FRMPD4: variants seen among roughly 807,000 people sequenced by gnomAD.
FRMPD4 encodes FERM and PDZ domain containing 4, also known as FERM and PDZ domain-containing protein 4.
FRMPD4 carries 22 observed loss-of-function variants against 94.1 expected under a neutral mutation model. The observed-to-expected ratio is 0.23, with a 90% CI of 0.17 to 0.33. The LOEUF (loss-of-function observed/expected upper bound fraction) is 0.33. Ranked by LOEUF, FRMPD4 falls within the 10% of genes least tolerant of loss-of-function variation. FRMPD4 has a pLI of 1.00. For synonymous variants in FRMPD4, 631 were observed against 548.6 expected (o/e 1.15, Z -2.10); for missense variants, 1,111 against 1,339.9 (o/e 0.83, Z 2.67).
intron 1 of FRMPD4, among the ~76,000 whole-genome samples, chrX:12,162,890 G>A (rs925740520): frequency 1.8e-5 from 2 of 111,381 alleles, no homozygotes; most frequent in African/African-American, 3.3e-5. Flanking sequence ...CAAATGTTAT[G>A]GGCCCTAGAA....
intron 1 of FRMPD4, among the ~76,000 whole-genome samples, chrX:12,478,850 A>C (rs1007471194): frequency 9.0e-6 from 1 of 111,693 alleles, no homozygotes; most frequent in South Asian, 3.7e-4. Flanking sequence ...TAATTTTTAT[A>C]AAATTCTCTT....
chrX:12,267,781 C>T, intron 1 of FRMPD4, among the ~76,000 whole-genome samples: 1 of 112,521 alleles, frequency 8.9e-6, no homozygotes, highest in South Asian at 3.6e-4. Flanking sequence ...TGCTGGGTTT[C>T]CTCACACAAG....
intron 3 of FRMPD4, among the ~76,000 whole-genome samples, chrX:11,905,171 G>C (rs1405481206): frequency 2.7e-5 from 3 of 112,192 alleles, no homozygotes; most frequent in Non-Finnish European, 5.6e-5. Context: ...ACTGCTGGGG[G>C]AACATCCAGG....
chrX:12,501,788 T>G (rs976154655), intron 2 of FRMPD4, among the ~76,000 whole-genome samples: 11 of 111,190 alleles, frequency 9.9e-5, no homozygotes, highest in African/African-American at 3.6e-4. Context: ...GTGTTCAAAG[T>G]TAGAGTCTAA....
chrX:12,535,505 G>C (rs1285040609), intron 2 of FRMPD4, among the ~76,000 whole-genome samples: 1 of 112,115 alleles, frequency 8.9e-6, no homozygotes, highest in Non-Finnish European at 1.9e-5. Context: ...AAGGTTGTTG[G>C]AATCAGATAA....
chrX:12,491,892 C>A (rs1490096522), intron 1 of FRMPD4, among the ~76,000 whole-genome samples: 1 of 111,696 alleles, frequency 9.0e-6, no homozygotes, highest in Non-Finnish European at 1.9e-5. Context: ...TGAACAGGTA[C>A]AACAGCATTC....
intron 3 of FRMPD4, among the ~76,000 whole-genome samples, chrX:12,001,320 A>G (rs1340164889): frequency 8.9e-6 from 1 of 112,450 alleles, no homozygotes; most frequent in Admixed American, 9.4e-5. Context: ...AAGGTGGATC[A>G]TGTGAAATTG....
At chrX:12,202,533 T>G (rs1374123357) in intron 1 of FRMPD4, among the ~76,000 whole-genome samples, 5 of 112,288 alleles carry the variant, frequency 4.5e-5, no homozygotes. Flanking sequence ...CCCATTATGC[T>G]CAGGGCACTG....
At chrX:12,024,891 C>T (rs1257354867) in intron 3 of FRMPD4, among the ~76,000 whole-genome samples, 1 of 111,361 alleles carries the variant, frequency 9.0e-6, no homozygotes, top group African/African-American at 3.3e-5. Context: ...TCACAGTAGT[C>T]CATTGTATGA....
At chrX:12,590,013 T>C (rs1454186959) in intron 2 of FRMPD4, among the ~76,000 whole-genome samples, 1 of 112,248 alleles carries the variant, frequency 8.9e-6, no homozygotes, top group Non-Finnish European at 1.9e-5. Flanking sequence ...TGAAATGTGG[T>C]TATGCTCCAG....
At chrX:12,127,895 T>C (rs180688438) in intron 3 of FRMPD4, among the ~76,000 whole-genome samples, 2 of 113,174 alleles carry the variant, frequency 1.8e-5, no homozygotes, top group Admixed American at 1.8e-4. Context: ...AGAGCAGTCA[T>C]GAAACCTTAA....
chrX:11,843,636 T>A (rs191369900), intron 1 of FRMPD4, among the ~76,000 whole-genome samples: 104 of 111,129 alleles, frequency 9.4e-4, no homozygotes, highest in African/African-American at 3.2e-3. Flanking sequence ...TAGTTCGCTG[T>A]AACCTTGACC....
At chrX:12,586,975 CTTTT>C (rs1336764884) in intron 2 of FRMPD4, among the ~76,000 whole-genome samples, 1 of 95,115 alleles carries the variant, frequency 1.1e-5, no homozygotes, top group East Asian at 3.2e-4. Context: ...TATTTTAATG[CTTTT>C]TTTGTTTTTT....
intron 3 of FRMPD4, among the ~76,000 whole-genome samples, chrX:11,899,476 G>T (rs1324244312): frequency 1.8e-5 from 2 of 108,578 alleles, no homozygotes; most frequent in Admixed American, 9.9e-5. Context: ...TTACCCCAGT[G>T]ACATCTTTCT....
intron 2 of FRMPD4, among the ~76,000 whole-genome samples, chrX:12,508,047 C>T (rs1040264463): frequency 5.4e-5 from 6 of 112,051 alleles, no homozygotes; most frequent in South Asian, 3.7e-4. Flanking sequence ...TAGCAATTTG[C>T]GCTTACTAAT....
chrX:12,513,019 C>A (rs5979641), intron 2 of FRMPD4, among the ~76,000 whole-genome samples: 53,029 of 110,915 alleles, frequency 0.48, 9,398 homozygotes, highest in Middle Eastern at 0.55. Flanking sequence ...TAAATGTCTT[C>A]TGTTGAGAAG....
At chrX:12,691,176 G>A (rs905883155) in intron 8 of FRMPD4, among the ~76,000 whole-genome samples, 3 of 112,109 alleles carry the variant, frequency 2.7e-5, no homozygotes, top group Non-Finnish European at 5.6e-5. Flanking sequence ...TTTTGTAATA[G>A]ATTAGTTCAA....
chrX:12,256,221 T>C (rs769343851), intron 1 of FRMPD4, among the ~76,000 whole-genome samples: 11 of 111,705 alleles, frequency 9.8e-5, no homozygotes, highest in Non-Finnish European at 1.5e-4. Flanking sequence ...CATTGGGGTG[T>C]TGGCAACACA....
intron 1 of FRMPD4, among the ~76,000 whole-genome samples, chrX:12,472,600 A>C (rs1488814074): frequency 9.0e-6 from 1 of 111,571 alleles, no homozygotes; most frequent in Non-Finnish European, 1.9e-5. Flanking sequence ...AGAATAACCA[A>C]TGTAGAGAAG....
Sources: allele counts gnomAD v4.1 joint callset (sites outside exome capture counted in the v4.1 genomes callset), GRCh38; gene constraint gnomAD v4.1.1; transcripts MANE v1.5; gene names NCBI Gene and HGNC (gene_info 2026-07-23, HGNC 2026-07-21).